The following MIPOL1 variants were observed in gnomAD, a reference collection of about 807,000 sequenced individuals.
The protein encoded by MIPOL1 is mirror-image polydactyly 1.
MIPOL1 carries 57 observed loss-of-function variants against 60.9 expected under a neutral mutation model. The ratio of observed to expected loss-of-function variants is 0.94; its 90% confidence interval spans 0.76 to 1.17. MIPOL1 has a LOEUF of 1.17. Among genes scored for constraint, MIPOL1 ranks in the 50% most tolerant of loss-of-function variants. The probability of loss-of-function intolerance (pLI) is 0.00; values close to 1 mark genes in which losing one functional copy is unlikely to be tolerated. For synonymous variants in MIPOL1, 179 were observed against 168.8 expected, an observed-to-expected ratio of 1.06 and a Z score of -0.47; for missense variants, 551 against 511.6, an observed-to-expected ratio of 1.08 and a Z score of -0.74.
rs539220888 is a variant in MIPOL1, at chr14:37,292,985, G to A, written c.623+7538G>A. 5.9e-5 allele frequency among the ~76,000 whole-genome samples: 9 copies of A among 152,180 alleles called. No homozygotes were observed. In the East Asian group the frequency reaches 1.7e-3, roughly 30 times the overall value. ...TTTTGCTTGGTGCCAAGCATTAAGGGTTCATGCTATCTGGCCTCTCTATAC... is the reference window on the plus strand; with the variant it reads ...TTTTGCTTGGTGCCAAGCATTAAGGATTCATGCTATCTGGCCTCTCTATAC... On this transcript the variant is annotated intron_variant, in intron 7 of 12. Transcript: ENST00000684589.
At chr14:37,298,289 C>G (rs186813111) in intron 7 of MIPOL1, among the ~76,000 whole-genome samples, 20 of 152,238 alleles carry the variant, frequency 1.3e-4, no homozygotes, top group Non-Finnish European at 2.5e-4. Flanking sequence ...ACACCTTATA[C>G]AAAAATTAAT....
At chr14:37,484,934 T>A (rs145861276) in intron 11 of MIPOL1, among the ~76,000 whole-genome samples, 141 of 152,302 alleles carry the variant, frequency 9.3e-4, no homozygotes, top group African/African-American at 3.3e-3. Context: ...CATGGTGGTT[T>A]GCTGCACCCA....
intron 7 of MIPOL1, among the ~76,000 whole-genome samples, chr14:37,285,964 A>G (rs1470334904): frequency 6.6e-6 from 1 of 152,206 alleles, no homozygotes; most frequent in Non-Finnish European, 1.5e-5. Flanking sequence ...TAAAAAAAGA[A>G]AGAAAGAAAT....
intron 7 of MIPOL1, among the ~76,000 whole-genome samples, chr14:37,288,853 T>C (rs1330818129): frequency 6.6e-6 from 1 of 152,032 alleles, no homozygotes; most frequent in African/African-American, 2.4e-5. Flanking sequence ...TAGGACATGA[T>C]TGCAGTCTCG....
At chr14:37,269,815 G>A (rs1295528957) in intron 5 of MIPOL1, among the ~76,000 whole-genome samples, 1 of 152,086 alleles carries the variant, frequency 6.6e-6, no homozygotes, top group Non-Finnish European at 1.5e-5. Flanking sequence ...GACTGCTTTT[G>A]CAGTAGTCAT....
intron 10 of MIPOL1, among the ~76,000 whole-genome samples, chr14:37,371,778 T>A (rs1018279614): frequency 6.6e-6 from 1 of 152,182 alleles, no homozygotes; most frequent in Non-Finnish European, 1.5e-5. Flanking sequence ...TGAATCATTT[T>A]TTAAAAATTA....
At chr14:37,204,913 A>G (rs1261517593) in intron 1 of MIPOL1, among the ~76,000 whole-genome samples, 4 of 152,154 alleles carry the variant, frequency 2.6e-5, no homozygotes, top group Admixed American at 1.3e-4. Context: ...GACTTATTGA[A>G]TGGCTTTGCC....
At chr14:37,438,294 A>T (rs897656602) in intron 11 of MIPOL1, among the ~76,000 whole-genome samples, 3 of 152,186 alleles carry the variant, frequency 2.0e-5, no homozygotes, top group African/African-American at 7.2e-5. Context: ...TACCCTAGAA[A>T]ATACAGATAT....
At position 37,456,988 on chromosome 14, in the gene MIPOL1, C is replaced by A. The variant is rs532667359; in HGVS notation, c.1031+34039C>A. Among the ~76,000 whole-genome samples the A allele has an allele frequency of 7.5e-4, 114 of 152,092 alleles. 2 individuals are homozygous for A. The South Asian group carries it at 0.023, about 31-fold the overall frequency. ...ATATTTGCATAATAATTGGATATAT[C>A]TTTACTATTGAAAAGGACATATTGC... On this transcript the variant is annotated intron_variant, in intron 11 of 12. Coordinates refer to ENST00000684589, the MANE Select transcript of MIPOL1 (RefSeq NM_001388067.1).
At chr14:37,327,285 T>C (rs955645463) in intron 9 of MIPOL1, among the ~76,000 whole-genome samples, 1 of 152,050 alleles carries the variant, frequency 6.6e-6, no homozygotes, top group Admixed American at 6.6e-5. Flanking sequence ...AATAATAAAA[T>C]TCAAAGTCTT....
intron 12 of MIPOL1, among the ~76,000 whole-genome samples, chr14:37,516,854 A>T (rs543946513): frequency 6.6e-5 from 10 of 152,280 alleles, no homozygotes; most frequent in Admixed American, 6.5e-5. Context: ...TTTAAGCTGA[A>T]CCAAACAAAT....
At chr14:37,500,885 C>T (rs1017848428) in intron 12 of MIPOL1, among the ~76,000 whole-genome samples, 8 of 152,164 alleles carry the variant, frequency 5.3e-5, no homozygotes, top group African/African-American at 1.9e-4. Context: ...GTATTGTTAA[C>T]AGCACTACAG....
At chr14:37,457,272 C>A (rs1265929783) in intron 11 of MIPOL1, among the ~76,000 whole-genome samples, 2 of 152,094 alleles carry the variant, frequency 1.3e-5, no homozygotes, top group Non-Finnish European at 2.9e-5. Flanking sequence ...TCTGAAAGTA[C>A]CACAAAAGTA....
At chr14:37,288,049 T>G (rs1469402991) in intron 7 of MIPOL1, among the ~76,000 whole-genome samples, 1 of 152,182 alleles carries the variant, frequency 6.6e-6, no homozygotes, top group Non-Finnish European at 1.5e-5. Flanking sequence ...GGGCCAAGCT[T>G]GAGGATTGCA....
At chr14:37,444,855 G>C (rs1327814841) in intron 11 of MIPOL1, among the ~76,000 whole-genome samples, 1 of 152,118 alleles carries the variant, frequency 6.6e-6, no homozygotes, top group African/African-American at 2.4e-5. Context: ...TGCAGAAAAG[G>C]CCTTTGACAA....
chr14:37,476,988 C>T (rs984113375), intron 11 of MIPOL1, among the ~76,000 whole-genome samples: 1 of 149,860 alleles, frequency 6.7e-6, no homozygotes, highest in Non-Finnish European at 1.5e-5. Context: ...GCAGCCTCCT[C>T]CTCCCAGGTT....
intron 9 of MIPOL1, among the ~76,000 whole-genome samples, chr14:37,314,543 C>T (rs1405904909): frequency 1.3e-5 from 2 of 152,136 alleles, no homozygotes; most frequent in African/African-American, 2.4e-5. Flanking sequence ...AACATACTTC[C>T]TCTCTGCTTG....
At chr14:37,543,018 C>G (rs560812569) in intron 12 of MIPOL1, among the ~76,000 whole-genome samples, 1 of 152,100 alleles carries the variant, frequency 6.6e-6, no homozygotes, top group South Asian at 2.1e-4. Context: ...TACTCCCCAG[C>G]GAAAATCTAC....
At chr14:37,200,900 ATT>A (rs60919541) in intron 1 of MIPOL1, among the ~76,000 whole-genome samples, 15,063 of 52,314 alleles carry the variant, frequency 0.29, 1,513 homozygotes, top group South Asian at 0.36. Flanking sequence ...GTGTGTGTGT[ATT>A]TTTTTTTTTT....
Sources: gnomAD v4.1 joint callset for allele counts (sites outside exome capture counted in the v4.1 genomes callset) on GRCh38, gnomAD v4.1.1 for gene constraint, MANE v1.5 for transcripts, NCBI Gene and HGNC (gene_info 2026-07-23, HGNC 2026-07-21) for gene names.